The following GABRP variants were observed in gnomAD, a reference collection of about 807,000 sequenced individuals.
GABRP encodes the protein gamma-aminobutyric acid type A receptor subunit pi.
Under a neutral mutation model 47.8 loss-of-function variants are expected in GABRP, and 52 were observed. The ratio of observed to expected loss-of-function variants is 1.09; its 90% CI spans 0.87 to 1.37. The LOEUF is 1.37. Among genes scored for constraint, GABRP ranks in the 40% most tolerant of loss-of-function variants. The pLI is 0.00. For synonymous variants in GABRP, 221 were observed against 205.8 expected (o/e 1.07, Z -0.63); for missense variants, 525 against 542.8 (o/e 0.97, Z 0.33).
At position 170,794,255 on chromosome 5, in the gene GABRP, C is replaced by G; in HGVS notation, c.197C>G (p.Thr66Ser). ...FGGEPVQIAL[T>S]LDIASISSIS... is the part of the protein sequence containing the mutation. ...GGAGAACCCGTACAGATAGCGCTGACTCTGGACATTGCAAGTATCTCTAGC... is the reference window on the plus strand; with the variant it reads ...GGAGAACCCGTACAGATAGCGCTGAGTCTGGACATTGCAAGTATCTCTAGC... Residue 66 changes from threonine (T) to serine (S), a missense_variant, in exon 4 of 10, where the codon ACT (threonine) becomes AGT (serine). Thr to Ser is a moderately conservative substitution (Grantham distance 58). Transcript: ENST00000265294. The G allele has an allele frequency of 3.7e-6, 6 of 1,611,478 alleles. No individual in the cohort carries two copies. Among genetic ancestry groups the G allele is most frequent in the Non-Finnish European group, 5.1e-6 (6 of 1,178,808 alleles).
At chr5:170,811,687 C>T (rs1268637299) in intron 9 of GABRP, among the ~76,000 whole-genome samples, 2 of 152,128 alleles carry the variant, frequency 1.3e-5, no homozygotes, top group East Asian at 1.9e-4. Flanking sequence ...CTGAGCATTT[C>T]GCATCTGGCA....
At chr5:170,796,078 G>T (rs1000360728) in intron 5 of GABRP, among the ~76,000 whole-genome samples, 1 of 152,216 alleles carries the variant, frequency 6.6e-6, no homozygotes, top group Non-Finnish European at 1.5e-5. Context: ...ATCCCTGCCT[G>T]TGCAAGGACT....
intron 5 of GABRP, among the ~76,000 whole-genome samples, chr5:170,797,136 C>T (rs1275669400): frequency 6.6e-6 from 1 of 152,230 alleles, no homozygotes; most frequent in African/African-American, 2.4e-5. Flanking sequence ...GTTCTAGGCC[C>T]ACCCAGGTCT....
chr5:170,797,566 A>G lies in GABRP; in HGVS notation c.541+18A>G, dbSNP rs370475237. On this transcript the variant is annotated intron_variant, in intron 6 of 9. Transcript: ENST00000265294. ...GGAAAGCTGTAAGTATACATCCTACAGGCTCCTGAGATGATTTTCCTGGGT... is the reference window on the plus strand; with the variant it reads ...GGAAAGCTGTAAGTATACATCCTACGGGCTCCTGAGATGATTTTCCTGGGT... 4.4e-5 allele frequency: 66 copies of G among 1,495,544 alleles called. No homozygotes were observed. The highest frequency in any genetic ancestry group is 5.8e-5 in the Non-Finnish European group (62 of 1,072,508). The allele number at this position is 1,495,544 out of a possible 1,614,324, so 92.6% of individuals were successfully genotyped here.
At chr5:170,807,806 A>C (rs996909219) in intron 7 of GABRP, among the ~76,000 whole-genome samples, 1 of 152,078 alleles carries the variant, frequency 6.6e-6, no homozygotes, top group African/African-American at 2.4e-5. Flanking sequence ...TTCAGGCTTT[A>C]ATTTGGGGGT....
At chr5:170,797,361 T>C in intron 5 of GABRP, 105 bp from the exon 6 acceptor site, 1 of 737,996 alleles carries the variant, frequency 1.4e-6, no homozygotes, top group South Asian at 1.5e-5. Context: ...TACATGTTCA[T>C]TTAAGAGTTC....
rs144718144 is a variant in GABRP at position 170,812,099 on chromosome 5, C to T, written c.1164C>T (p.Ser388=). The change falls in exon 10 of 10, where the codon AGC becomes AGT. Residue 388 remains serine, a synonymous_variant. Transcript: ENST00000265294. ...ACAGTGACTTGACAATGAAAACCAGCGACAAGTTCAAGTTTGTCTTCCGAG... is the reference window on the plus strand; with the variant it reads ...ACAGTGACTTGACAATGAAAACCAGTGACAAGTTCAAGTTTGTCTTCCGAG... ...VDYSDLTMKT[S]DKFKFVFREK... is the part of the protein sequence containing the mutation. 69 of 1,613,998 alleles carry T rather than the reference C, an allele frequency of 4.3e-5. No homozygotes were observed. The highest frequency in any genetic ancestry group is 5.3e-5 in the Non-Finnish European group (62 of 1,180,026).
At position 170,795,191 on chromosome 5, in the gene GABRP, C is replaced by G; in HGVS notation, c.241-17C>G. ...CACTACCCCCATCCATTTCCATACC[C>G]TGCCTCCCCCTCCCAGGACTACACA... On this transcript the variant is annotated splice_polypyrimidine_tract_variant and intron_variant, in intron 4 of 9. Transcript: ENST00000265294. 1 of 1,594,910 alleles carries G rather than the reference C, an allele frequency of 6.3e-7. No individual in the cohort carries two copies. The highest frequency in any genetic ancestry group is 8.6e-7 in the Non-Finnish European group (1 of 1,163,916).
chr5:170,796,361 T>C (rs893901065), intron 5 of GABRP, among the ~76,000 whole-genome samples: 1 of 152,136 alleles, frequency 6.6e-6, no homozygotes, highest in Non-Finnish European at 1.5e-5. Flanking sequence ...CCCACAGCAA[T>C]GTGTGAATGT....
intron 9 of GABRP, 141 bp from the exon 10 acceptor site, chr5:170,811,815 A>G (rs1181124853): frequency 1.3e-5 from 10 of 783,168 alleles, no homozygotes; most frequent in Admixed American, 2.7e-5. Flanking sequence ...TTATTGGCCA[A>G]TTTCTGAAGC....
chr5:170,796,407 T>C (rs183215938), intron 5 of GABRP, among the ~76,000 whole-genome samples: 130 of 152,350 alleles, frequency 8.5e-4, no homozygotes, highest in Non-Finnish European at 1.6e-3. Flanking sequence ...TGTGTGTACA[T>C]GTGTGTCTGT....
At chr5:170,802,548 A>T (rs1765622658) in intron 6 of GABRP, among the ~76,000 whole-genome samples, 1 of 152,242 alleles carries the variant, frequency 6.6e-6, no homozygotes, top group South Asian at 2.1e-4. Context: ...ACTTGAGGTT[A>T]TCAAAAAGAG....
chr5:170,796,820 A>C (rs1355714828), intron 5 of GABRP, among the ~76,000 whole-genome samples: 1 of 152,192 alleles, frequency 6.6e-6, no homozygotes, highest in East Asian at 1.9e-4. Context: ...TTAATAAATA[A>C]GGATGCTGAA....
At chr5:170,799,132 AG>A (rs750825049) in intron 6 of GABRP, among the ~76,000 whole-genome samples, 9 of 152,188 alleles carry the variant, frequency 5.9e-5, no homozygotes, top group Non-Finnish European at 1.2e-4. Context: ...ATGGCTGCAT[AG>A]TATTCCATGG....
chr5:170,812,352 T>C lies in GABRP; in HGVS notation c.*94T>C. 3.2e-6 allele frequency: 3 copies of C among 927,252 alleles called. No individual in the cohort carries two copies. Among genetic ancestry groups the C allele is most frequent in the Admixed American group, 2.1e-5 (1 of 47,418 alleles). The allele number at this position is 927,252 out of a possible 1,614,324, so 57.4% of individuals were successfully genotyped here. A position where few individuals can be genotyped will look rare whatever the true frequency, so the allele number is the denominator to read the frequency against. ...AGGCCAAGTGTGCACCCACATCCAA[T>C]GGTGCTACAAGTGACTGAAATAATA... On this transcript the variant is annotated 3_prime_UTR_variant, in exon 10 of 10. Coordinates refer to ENST00000265294, the MANE Select transcript of GABRP (RefSeq NM_014211.3).
At chr5:170,807,669 C>T (rs547310647) in intron 7 of GABRP, among the ~76,000 whole-genome samples, 1 of 152,182 alleles carries the variant, frequency 6.6e-6, no homozygotes, top group African/African-American at 2.4e-5. Context: ...CTCAATTTAC[C>T]CATCAATAAA....
At chr5:170,811,870 C>T in intron 9 of GABRP, 86 bp from the exon 10 acceptor site, 2 of 1,211,258 alleles carry the variant, frequency 1.7e-6, no homozygotes, top group Non-Finnish European at 1.2e-6. Context: ...AACACTTAGG[C>T]CTCTAAACTT....
intron 1 of GABRP, among the ~76,000 whole-genome samples, chr5:170,786,968 TGGG>T (rs202192134): frequency 1.3e-5 from 2 of 151,576 alleles, no homozygotes; most frequent in African/African-American, 4.9e-5. Context: ...AGAGAAGAAA[TGGG>T]GGGGGACTTT....
intron 6 of GABRP, among the ~76,000 whole-genome samples, chr5:170,798,002 G>C (rs114088768): frequency 6.6e-6 from 1 of 152,220 alleles, no homozygotes; most frequent in African/African-American, 2.4e-5. Context: ...GACTCATAAA[G>C]CCTTAAGTAT....
Sources: gnomAD v4.1 joint callset for allele counts (sites outside exome capture counted in the v4.1 genomes callset) on GRCh38, gnomAD v4.1.1 for gene constraint, MANE v1.5 for transcripts, NCBI Gene and HGNC (gene_info 2026-07-23, HGNC 2026-07-21) for gene names.